Variants in HAO1 observed in about 807,000 individuals in gnomAD.
HAO1 encodes the protein hydroxyacid oxidase 1.
In HAO1, 34 loss-of-function variants were observed where a neutral mutation model predicts 39.7. The ratio of observed to expected loss-of-function variants is 0.86; its 90% confidence interval spans 0.65 to 1.14. The LOEUF (loss-of-function observed/expected upper bound fraction) is 1.14. Ranked by LOEUF, HAO1 falls within the 50% of genes most tolerant of loss-of-function variation. The pLI is 0.00. For missense variants in HAO1, 479 were observed against 464.5 expected (o/e 1.03, Z -0.29); for synonymous variants, 172 against 173.2 (o/e 0.99, Z 0.05).
intron 3 of HAO1, among the ~76,000 whole-genome samples, chr20:7,913,069 T>G (rs184360477): frequency 6.6e-6 from 1 of 152,180 alleles, no homozygotes; most frequent in Non-Finnish European, 1.5e-5. Context: ...TGATTTTGGA[T>G]CTTTTCATTT....
intron 2 of HAO1, among the ~76,000 whole-genome samples, chr20:7,927,981 G>A (rs1481107716): frequency 6.6e-6 from 1 of 152,194 alleles, no homozygotes; most frequent in Non-Finnish European, 1.5e-5. Flanking sequence ...TGGTGGTAAA[G>A]ATAGATGAAT....
chr20:7,890,672 AT>A (rs2050170375), intron 5 of HAO1, among the ~76,000 whole-genome samples: 1 of 152,042 alleles, frequency 6.6e-6, no homozygotes, highest in Non-Finnish European at 1.5e-5. Flanking sequence ...ACTGCACCAT[AT>A]TTGTTGTCTT....
rs2050135933 is a variant in HAO1, at chr20:7,883,352, C to CT, written c.*240dup. ...TGTCTAAACACATTTTCAATGTTTT[C>CT]TTTTTAACAGTTAATATATTTCCAG... On this transcript the variant is annotated 3_prime_UTR_variant, in exon 8 of 8. Coordinates refer to ENST00000378789, the MANE Select transcript of HAO1 (RefSeq NM_017545.3). 3.8e-6 allele frequency: 2 copies of CT among 525,556 alleles called. No homozygotes were observed. The highest frequency in any genetic ancestry group is 3.8e-5 in the African/African-American group (2 of 52,760). The allele number at this position is 525,556 out of a possible 1,614,324, so 32.6% of individuals were successfully genotyped here. A position where few individuals can be genotyped will look rare whatever the true frequency, so the allele number is the denominator to read the frequency against.
chr20:7,938,810 A>G (rs1271896403), intron 1 of HAO1, among the ~76,000 whole-genome samples: 3 of 152,164 alleles, frequency 2.0e-5, no homozygotes, highest in Non-Finnish European at 2.9e-5. Flanking sequence ...CTCAGCATGT[A>G]GTACACAGTG....
At chr20:7,904,947 T>C (rs2050240373) in intron 4 of HAO1, among the ~76,000 whole-genome samples, 2 of 152,174 alleles carry the variant, frequency 1.3e-5, no homozygotes, top group Admixed American at 6.5e-5. Context: ...AAGGTGTCTG[T>C]AAACCAAACC....
At position 7,909,360 on chromosome 20, in the gene HAO1, C is replaced by CATATAT. The variant is rs749171756; in HGVS notation, c.546-3037_546-3032dup. ...AATGCTATTTTTATTCGGATTATGA[C>CATATAT]ATATATATATATATATATGTATATA... On this transcript the variant is annotated intron_variant, in intron 3 of 7. Coordinates refer to ENST00000378789, the MANE Select transcript of HAO1 (RefSeq NM_017545.3). Among the ~76,000 whole-genome samples the CATATAT allele has an allele frequency of 8.4e-3, 915 of 108,900 alleles. 26 individuals are homozygous for CATATAT. Among genetic ancestry groups the CATATAT allele is most frequent in the African/African-American group, 0.02 (452 of 22,068 alleles). The allele number at this position is 108,900 out of a possible 152,430, so 71.4% of individuals were successfully genotyped here. A position where few individuals can be genotyped will look rare whatever the true frequency, so the allele number is the denominator to read the frequency against.
At chr20:7,933,518 A>G (rs2050395899) in intron 2 of HAO1, among the ~76,000 whole-genome samples, 2 of 152,020 alleles carry the variant, frequency 1.3e-5, no homozygotes. Flanking sequence ...ACTTATTTGT[A>G]TGTGGTCCTA....
chr20:7,902,751 G>A (rs2050226517), intron 4 of HAO1, among the ~76,000 whole-genome samples: 1 of 152,156 alleles, frequency 6.6e-6, no homozygotes, highest in Non-Finnish European at 1.5e-5. Context: ...CCATGCCTTT[G>A]CTGAAAAAAG....
intron 5 of HAO1, among the ~76,000 whole-genome samples, chr20:7,892,488 C>T (rs1032375816): frequency 1.2e-4 from 18 of 152,154 alleles, no homozygotes; most frequent in African/African-American, 1.4e-4. Context: ...TCATTTACTC[C>T]GCCATCACAG....
At chr20:7,937,212 C>G (rs2050417062) in intron 1 of HAO1, among the ~76,000 whole-genome samples, 2 of 152,024 alleles carry the variant, frequency 1.3e-5, no homozygotes, top group Admixed American at 1.3e-4. Context: ...AGTAGCTGCC[C>G]TGTTGAAGGA....
Position 7,907,315 on chromosome 20 carries a change from C to G in HAO1, c.546-986G>C, listed in dbSNP as rs541659676. Among the ~76,000 whole-genome samples the G allele has an allele frequency of 7.6e-4, 115 of 152,266 alleles. 1 individual carries two copies. Among genetic ancestry groups the G allele is most frequent in the Non-Finnish European group, 1.4e-3 (94 of 68,026 alleles). On this transcript the variant is annotated intron_variant, in intron 3 of 7. Transcript: ENST00000378789. ...TCCTGGGCCTGAGTCACAATCCACA[C>G]AGCAGACTGGAGGCATTAGGGATGT...
intron 5 of HAO1, among the ~76,000 whole-genome samples, chr20:7,888,801 T>C (rs1049966088): frequency 2.6e-5 from 4 of 152,216 alleles, no homozygotes; most frequent in African/African-American, 7.2e-5. Flanking sequence ...ATGATTTGCT[T>C]TCATCAGTGG....
chr20:7,892,362 G>T (rs776075365), intron 5 of HAO1, among the ~76,000 whole-genome samples: 4 of 152,176 alleles, frequency 2.6e-5, no homozygotes, highest in Non-Finnish European at 4.4e-5. Context: ...TGGGATTACA[G>T]GCGTGAGCCA....
intron 5 of HAO1, among the ~76,000 whole-genome samples, chr20:7,889,687 T>C (rs556208667): frequency 7.9e-5 from 12 of 152,330 alleles, no homozygotes; most frequent in Non-Finnish European, 1.5e-4. Context: ...CTGTGATTTA[T>C]ATTAGCCTGG....
chr20:7,934,776 A>G (rs1307089979), intron 1 of HAO1, 141 bp from the exon 2 acceptor site: 4 of 537,296 alleles, frequency 7.4e-6, no homozygotes, highest in Non-Finnish European at 1.3e-5. Context: ...AAGCTAATGG[A>G]AAAGAGGCAA....
At chr20:7,918,378 T>C (rs551716976) in intron 2 of HAO1, among the ~76,000 whole-genome samples, 51 of 152,340 alleles carry the variant, frequency 3.3e-4, no homozygotes, top group South Asian at 6.2e-4. Context: ...ATTTGCCTAT[T>C]TCTTAAGGAC....
Position 7,920,324 on chromosome 20 carries a change from C to A in HAO1, c.290-5905G>T, listed in dbSNP as rs144138910. 3.0e-3 allele frequency among the ~76,000 whole-genome samples: 463 copies of A among 152,224 alleles called. 1 individual carries two copies. The highest frequency in any genetic ancestry group is 4.8e-3 in the Non-Finnish European group (327 of 68,014). On this transcript the variant is annotated intron_variant, in intron 2 of 7. Coordinates refer to ENST00000378789, the MANE Select transcript of HAO1 (RefSeq NM_017545.3). ...CTCCCCAGCCATACAGAACTGTGAG[C>A]CAGTAAACCTCTTTTCTTTATAAAT...
chr20:7,922,965 C>G (rs186811968), intron 2 of HAO1, among the ~76,000 whole-genome samples: 130 of 152,204 alleles, frequency 8.5e-4, no homozygotes, highest in Admixed American at 4.0e-3. Context: ...AAGTTAATCT[C>G]AGACCCACCC....
At chr20:7,916,576 C>T (rs2050307996) in intron 2 of HAO1, among the ~76,000 whole-genome samples, 1 of 152,152 alleles carries the variant, frequency 6.6e-6, no homozygotes, top group Middle Eastern at 3.2e-3. Flanking sequence ...TGAGATGTGG[C>T]CCAAGAGTTT....
Sources: allele counts gnomAD v4.1 joint callset (sites outside exome capture counted in the v4.1 genomes callset), GRCh38; gene constraint gnomAD v4.1.1; transcripts MANE v1.5; gene names NCBI Gene and HGNC (gene_info 2026-07-23, HGNC 2026-07-21).